ZMAT4: variants seen among roughly 807,000 people sequenced by gnomAD.
The protein encoded by ZMAT4 is zinc finger matrin-type protein 4.
Under a neutral mutation model 28.7 loss-of-function variants are expected in ZMAT4, and 17 were observed. The ratio of observed to expected loss-of-function variants is 0.59; its 90% CI spans 0.41 to 0.89. The LOEUF is 0.89. Ranked by LOEUF, ZMAT4 falls within the 40% of genes least tolerant of loss-of-function variation. The pLI is 0.00. For synonymous variants in ZMAT4, 117 were observed against 109.2 expected (o/e 1.07, Z -0.44); for missense variants, 240 against 283.8 (o/e 0.85, Z 1.11).
chr8:40,822,072 G>A (rs1815849487), intron 2 of ZMAT4, among the ~76,000 whole-genome samples: 1 of 152,224 alleles, frequency 6.6e-6, no homozygotes, highest in South Asian at 2.1e-4. Flanking sequence ...TGTACAACAG[G>A]ACGCCAAGTG....
chr8:40,649,945 T>C (rs577350023), intron 5 of ZMAT4, among the ~76,000 whole-genome samples: 1 of 151,776 alleles, frequency 6.6e-6, no homozygotes, highest in Non-Finnish European at 1.5e-5. Context: ...GGGAAATTTA[T>C]AGCACTAAAT....
intron 6 of ZMAT4, among the ~76,000 whole-genome samples, chr8:40,566,650 A>C (rs1231943169): frequency 6.6e-6 from 1 of 152,174 alleles, no homozygotes; most frequent in Non-Finnish European, 1.5e-5. Context: ...AGGATACTGA[A>C]AAATCTGAAG....
At chr8:40,793,940 C>T (rs184582047) in intron 2 of ZMAT4, among the ~76,000 whole-genome samples, 7 of 152,268 alleles carry the variant, frequency 4.6e-5, no homozygotes, top group African/African-American at 7.2e-5. Flanking sequence ...TATGCAAGCT[C>T]CCTTCTGTGG....
intron 3 of ZMAT4, among the ~76,000 whole-genome samples, chr8:40,725,706 G>T (rs138322847): frequency 1.3e-5 from 2 of 152,134 alleles, no homozygotes; most frequent in Admixed American, 6.5e-5. Context: ...GGGGGGCAGA[G>T]GTTGCAATGA....
intron 3 of ZMAT4, among the ~76,000 whole-genome samples, chr8:40,740,477 A>G (rs1343618441): frequency 1.7e-4 from 26 of 152,258 alleles, no homozygotes; most frequent in Admixed American, 1.7e-3. Flanking sequence ...AAGATACAAT[A>G]ACAATATGCT....
chr8:40,692,190 G>A (rs1044602121), intron 4 of ZMAT4, among the ~76,000 whole-genome samples: 2 of 152,154 alleles, frequency 1.3e-5, no homozygotes, highest in African/African-American at 2.4e-5. Context: ...GGTCCCTGCA[G>A]AGCACACCTC....
intron 2 of ZMAT4, among the ~76,000 whole-genome samples, chr8:40,789,228 G>T (rs892752283): frequency 6.6e-6 from 1 of 152,172 alleles, no homozygotes; most frequent in Non-Finnish European, 1.5e-5. Context: ...ACTAGGAATA[G>T]CAGGAAACTT....
intron 4 of ZMAT4, chr8:40,696,984 C>A: frequency 2.8e-6 from 1 of 362,034 alleles, no homozygotes; most frequent in Non-Finnish European, 5.0e-6. Context: ...AGACAATGCA[C>A]ACAGCTCTTC....
At chr8:40,793,121 G>A (rs1416494055) in intron 2 of ZMAT4, among the ~76,000 whole-genome samples, 1 of 152,092 alleles carries the variant, frequency 6.6e-6, no homozygotes, top group African/African-American at 2.4e-5. Flanking sequence ...GTGTCCATGT[G>A]GGCTCATTAA....
intron 1 of ZMAT4, among the ~76,000 whole-genome samples, chr8:40,883,823 T>G (rs1434759840): frequency 1.3e-5 from 2 of 152,046 alleles, no homozygotes; most frequent in African/African-American, 4.8e-5. Flanking sequence ...TTCAATTCAA[T>G]CCTACGAGAG....
At chr8:40,747,398 G>A (rs2150542467) in intron 3 of ZMAT4, among the ~76,000 whole-genome samples, 1 of 152,156 alleles carries the variant, frequency 6.6e-6, no homozygotes, top group African/African-American at 2.4e-5. Flanking sequence ...TTATTTCTAG[G>A]TGGCAAGACT....
Position 40,584,894 on chromosome 8 carries a change from A to G in ZMAT4, c.578-3633T>C, listed in dbSNP as rs1804616038. Among the ~76,000 whole-genome samples, 5 of 152,316 alleles carry G rather than the reference A, an allele frequency of 3.3e-5. No individual in the cohort carries two copies. The South Asian group carries it at 1.0e-3, about 32-fold the overall frequency. ...AGTGATCCACCCACCTTGGCCTCCC[A>G]AAGTGCTGGGATTACAGGCGTGAGC... On this transcript the variant is annotated intron_variant, in intron 5 of 6. Coordinates refer to ENST00000297737, the MANE Select transcript of ZMAT4 (RefSeq NM_024645.3).
chr8:40,668,011 A>T lies in ZMAT4; in HGVS notation c.577+6693T>A, dbSNP rs1435089132. The stretch of plus-strand genomic sequence containing the variant: ...TTGCTATAGGAAAGGCATACCTAAT[A>T]TGATTCGAGAAAAAGTGAATTCATT... On this transcript the variant is annotated intron_variant, in intron 5 of 6. Coordinates refer to ENST00000297737, the MANE Select transcript of ZMAT4 (RefSeq NM_024645.3). Among the ~76,000 whole-genome samples, 4 of 152,184 alleles carry T rather than the reference A, an allele frequency of 2.6e-5. No homozygotes were observed. The East Asian group carries it at 7.7e-4, about 29-fold the overall frequency.
chr8:40,656,691 C>T (rs923680213), intron 5 of ZMAT4, among the ~76,000 whole-genome samples: 3 of 152,024 alleles, frequency 2.0e-5, no homozygotes, highest in Non-Finnish European at 4.4e-5. Flanking sequence ...TCGAGACTAC[C>T]TTGATTTGAT....
At chr8:40,865,936 T>C (rs941509757) in intron 1 of ZMAT4, among the ~76,000 whole-genome samples, 1 of 152,240 alleles carries the variant, frequency 6.6e-6, no homozygotes, top group Non-Finnish European at 1.5e-5. Flanking sequence ...AGAGCTACGA[T>C]GCAAGCGACT....
At chr8:40,538,756 T>C (rs1008347651) in intron 6 of ZMAT4, among the ~76,000 whole-genome samples, 5 of 152,096 alleles carry the variant, frequency 3.3e-5, no homozygotes, top group African/African-American at 1.2e-4. Context: ...CTTTCTTTTA[T>C]TGTTTCCTTT....
chr8:40,731,071 C>T (rs1013503045), intron 3 of ZMAT4, among the ~76,000 whole-genome samples: 1 of 149,656 alleles, frequency 6.7e-6, no homozygotes, highest in Non-Finnish European at 1.5e-5. Context: ...TATCAAGGAT[C>T]TGCACCCTAA....
At chr8:40,795,387 T>G (rs4736880) in intron 2 of ZMAT4, among the ~76,000 whole-genome samples, 87,769 of 152,042 alleles carry the variant, frequency 0.58, 25,621 homozygotes, top group East Asian at 0.66. Flanking sequence ...AAAGCTGTAC[T>G]GGATCCTTAT....
intron 3 of ZMAT4, among the ~76,000 whole-genome samples, chr8:40,725,492 GT>G (rs1288762307): frequency 2.0e-5 from 3 of 152,168 alleles, no homozygotes; most frequent in Non-Finnish European, 4.4e-5. Flanking sequence ...GTATACTTCT[GT>G]TTGGAATGGG....
Sources: allele counts gnomAD v4.1 joint callset (sites outside exome capture counted in the v4.1 genomes callset), GRCh38; gene constraint gnomAD v4.1.1; transcripts MANE v1.5; gene names NCBI Gene and HGNC (gene_info 2026-07-23, HGNC 2026-07-21).